TBXAS1: variants seen among roughly 807,000 people sequenced by gnomAD.
The protein encoded by TBXAS1 is thromboxane A synthase 1, also known as thromboxane-A synthase.
In TBXAS1, 48 loss-of-function variants were observed where a neutral mutation model predicts 60.7. That is an observed-to-expected ratio of 0.79 (90% CI 0.63 to 1.01). The LOEUF is 1.01. TBXAS1 is among the 50% of genes least tolerant of loss of function. TBXAS1 has a pLI of 0.00. For synonymous variants in TBXAS1, 287 were observed against 269.7 expected, an observed-to-expected ratio of 1.06 and a Z score of -0.63; for missense variants, 685 against 686.3, an observed-to-expected ratio of 1.00 and a Z score of 0.02.
At chr7:139,825,155 A>G (rs1284843287), upstream of TBXAS1, among the ~76,000 whole-genome samples, 1 of 151,420 alleles carries the variant, frequency 6.6e-6, no homozygotes, top group African/African-American at 2.4e-5. Flanking sequence ...TAATAGACAT[A>G]TTAGTAAAAG....
chr7:139,983,189 G>C (rs1812088100), intron 9 of TBXAS1, among the ~76,000 whole-genome samples: 1 of 152,150 alleles, frequency 6.6e-6, no homozygotes, highest in South Asian at 2.1e-4. Context: ...CGCACCCTCT[G>C]ATCTTTGGCA....
At chr7:139,805,647 C>CT in intron 4 of TBXAS1, among the ~76,000 whole-genome samples, 1 of 149,320 alleles carries the variant, frequency 6.7e-6, no homozygotes, top group African/African-American at 2.5e-5. Context: ...CCCTCCCTCC[C>CT]TCCCTTCTTT....
At position 139,951,850 on chromosome 7, in the gene TBXAS1, G is replaced by A. The variant is rs1319614930; in HGVS notation, c.451-1518G>A. ...AAAGAGGAAAGAAAGAAAGAAGGAA[G>A]GAAGGAAGGAAAGAAGGAAGGAAGG... is the stretch of plus-strand genomic sequence containing the variant. On this transcript the variant is annotated intron_variant, in intron 5 of 12. Transcript: ENST00000448866. 1.0e-3 allele frequency among the ~76,000 whole-genome samples: 12 copies of A among 11,754 alleles called. 2 individuals are homozygous for A. The East Asian group carries it at 0.026, about 25-fold the overall frequency. 7.7% of individuals were successfully genotyped at this position (11,754 alleles called of 152,430 possible). A position where few individuals can be genotyped will look rare whatever the true frequency, so the allele number is the denominator to read the frequency against.
intron 3 of TBXAS1, among the ~76,000 whole-genome samples, chr7:139,888,806 G>A (rs1803323709): frequency 6.6e-6 from 1 of 152,128 alleles, no homozygotes; most frequent in Non-Finnish European, 1.5e-5. Flanking sequence ...CACAAGTAGA[G>A]AGGACAACCT....
chr7:139,849,435 CAGAT>C (rs1480744698), intron 1 of TBXAS1, among the ~76,000 whole-genome samples: 1 of 151,532 alleles, frequency 6.6e-6, no homozygotes, highest in African/African-American at 2.4e-5. Context: ...ACAGAAACAA[CAGAT>C]AGTGATGCAG....
intron 1 of TBXAS1, among the ~76,000 whole-genome samples, chr7:139,854,819 A>G (rs1200765932): frequency 6.6e-6 from 1 of 152,226 alleles, no homozygotes; most frequent in Non-Finnish European, 1.5e-5. Flanking sequence ...CCCAAGTCCA[A>G]GGTAAACCCT....
intron 4 of TBXAS1, among the ~76,000 whole-genome samples, chr7:139,805,639 C>T (rs137894015): frequency 3.9e-4 from 59 of 150,212 alleles, no homozygotes; most frequent in African/African-American, 1.4e-3. Flanking sequence ...CCTTCCCTCC[C>T]TCCCTCCCTC....
In TBXAS1 at chr7:139,916,405, C is replaced by G. The variant is rs1805973238; in HGVS notation, c.333+5084C>G. Reference sequence around the variant, plus strand: ...GGTCTGGAGTGGCAGTATGGAGTGCCATCTCTCAGGTCCTCATGAGCAACA... The same window carrying G: ...GGTCTGGAGTGGCAGTATGGAGTGCGATCTCTCAGGTCCTCATGAGCAACA... On this transcript the variant is annotated intron_variant, in intron 4 of 12. Transcript: ENST00000448866. The surrounding 1 kb of genome is among the most constrained non-coding windows in gnomAD (Gnocchi z 4.2). 6.6e-6 allele frequency among the ~76,000 whole-genome samples: 1 copy of G among 152,124 alleles called. No individual in the cohort carries two copies. Among genetic ancestry groups the G allele is most frequent in the East Asian group, 1.9e-4 (1 of 5,174 alleles).
At chr7:140,015,138 C>A (rs1025919337) in intron 10 of TBXAS1, among the ~76,000 whole-genome samples, 1 of 151,984 alleles carries the variant, frequency 6.6e-6, no homozygotes, top group East Asian at 1.9e-4. Context: ...ATAGACAGAC[C>A]AAGTCAGATG....
chr7:139,838,916 C>T (rs1253491329), intron 1 of TBXAS1, among the ~76,000 whole-genome samples: 1 of 152,170 alleles, frequency 6.6e-6, no homozygotes, highest in Non-Finnish European at 1.5e-5. Flanking sequence ...CACAAGATAA[C>T]ACATTTTAAA....
At chr7:139,987,210 A>G (rs941100555) in intron 9 of TBXAS1, among the ~76,000 whole-genome samples, 1 of 152,128 alleles carries the variant, frequency 6.6e-6, no homozygotes, top group Non-Finnish European at 1.5e-5. Flanking sequence ...GGATATTCAC[A>G]AGCTCCTTGG....
intron 5 of TBXAS1, among the ~76,000 whole-genome samples, chr7:139,940,132 C>T (rs1808168314): frequency 6.6e-6 from 1 of 152,094 alleles, no homozygotes; most frequent in Non-Finnish European, 1.5e-5. Context: ...AAGAGTTTTC[C>T]TAATTCCAAA....
At chr7:139,949,761 T>C (rs1187629617) in intron 5 of TBXAS1, among the ~76,000 whole-genome samples, 1 of 152,252 alleles carries the variant, frequency 6.6e-6, no homozygotes, top group African/African-American at 2.4e-5. Flanking sequence ...TTTCTGTTTC[T>C]ACAAATCATT....
At chr7:139,913,413 G>A in intron 4 of TBXAS1, 1 of 457,728 alleles carries the variant, frequency 2.2e-6, no homozygotes, top group Non-Finnish European at 4.0e-6. Context: ...AGCAGTAAAG[G>A]TACTCCCAGG....
chr7:140,014,301 A>C (rs1292379116), intron 10 of TBXAS1, among the ~76,000 whole-genome samples: 2 of 152,172 alleles, frequency 1.3e-5, no homozygotes, highest in East Asian at 3.9e-4. Flanking sequence ...AAACAGAAGG[A>C]GGAGAAGATT....
rs572759693 is a variant in TBXAS1 at position 139,957,671 on chromosome 7, T to C, written c.726T>C (p.Ile242=). The C allele has an allele frequency of 7.1e-5, 115 of 1,614,154 alleles. No individual in the cohort carries two copies. In the East Asian group the frequency reaches 2.3e-3, roughly 33 times the overall value. Residue 242 remains isoleucine, a synonymous_variant, in exon 8 of 13, where the codon ATT becomes ATC. Transcript: ENST00000448866. ...FPSIMVPLAR[I]LPNKNRDELN... ...CCATAATGGTCCCACTGGCCCGGATTTTGCCCAATAAGAACCGAGACGAAC... is the reference window on the plus strand; with the variant it reads ...CCATAATGGTCCCACTGGCCCGGATCTTGCCCAATAAGAACCGAGACGAAC...
At chr7:139,993,436 G>A (rs1179186254) in intron 9 of TBXAS1, among the ~76,000 whole-genome samples, 3 of 152,158 alleles carry the variant, frequency 2.0e-5, no homozygotes, top group Non-Finnish European at 1.5e-5. Flanking sequence ...GAGAAATCAA[G>A]GTATCCATCA....
At chr7:140,018,229 C>T (rs188401774) in intron 12 of TBXAS1, among the ~76,000 whole-genome samples, 30 of 152,256 alleles carry the variant, frequency 2.0e-4, no homozygotes, top group Admixed American at 1.8e-3. Flanking sequence ...CCTGCCTTTG[C>T]GGGGTGGGGG....
In TBXAS1 at chr7:139,986,789, GTGTGTGTGTGTATATATATATATA is replaced by G. The variant is rs1174490024; in HGVS notation, c.1135-20300_1135-20277del. Among the ~76,000 whole-genome samples, 465 of 48,890 alleles carry G rather than the reference GTGTGTGTGTGTATATATATATATA, an allele frequency of 9.5e-3. 16 individuals are homozygous for G. The highest frequency in any genetic ancestry group is 0.027 in the African/African-American group (332 of 12,232). 32.1% of individuals were successfully genotyped at this position (48,890 alleles called of 152,430 possible). A position where few individuals can be genotyped will look rare whatever the true frequency, so the allele number is the denominator to read the frequency against. ...TGTGTGTGTGTGTGTGTGTGTGTGT[GTGTGTGTGTGTATATATATATATA>G]TATACACCATAGTTTCTTTATCCAC... On this transcript the variant is annotated intron_variant, in intron 9 of 12. Transcript: ENST00000448866.
Sources: allele counts gnomAD v4.1 joint callset (sites outside exome capture counted in the v4.1 genomes callset), GRCh38; gene constraint gnomAD v4.1.1; non-coding constraint Gnocchi (gnomAD v3.1); transcripts MANE v1.5; gene names NCBI Gene and HGNC (gene_info 2026-07-23, HGNC 2026-07-21).